NOL9: variants seen among roughly 807,000 people sequenced by gnomAD.
NOL9 encodes the protein nucleolar protein 9.
In NOL9, 28 loss-of-function variants were observed where a neutral mutation model predicts 67.9. The ratio of observed to expected loss-of-function variants is 0.41; its 90% CI spans 0.31 to 0.57. The LOEUF (loss-of-function observed/expected upper bound fraction) is 0.57, where lower values mean the gene tolerates loss of function less well. Among genes scored for constraint, NOL9 ranks in the 20% least tolerant of loss-of-function variants. The pLI, the probability that NOL9 is intolerant of heterozygous loss-of-function variation, is 0.25. For missense variants in NOL9, 777 were observed against 897.0 expected, an observed-to-expected ratio of 0.87 and a Z score of 1.71; for synonymous variants, 356 against 352.2, an observed-to-expected ratio of 1.01 and a Z score of -0.12.
At chr1:6,539,467 C>A (rs1226814765) in intron 6 of NOL9, among the ~76,000 whole-genome samples, 2 of 117,220 alleles carry the variant, frequency 1.7e-5, no homozygotes, top group Non-Finnish European at 3.7e-5. Context: ...TAACATCCAG[C>A]CATCAAAAAG....
intron 5 of NOL9, among the ~76,000 whole-genome samples, chr1:6,542,550 C>T (rs1380034714): frequency 6.7e-6 from 1 of 150,032 alleles, no homozygotes; most frequent in Non-Finnish European, 1.5e-5. Context: ...CTCCGTCTCC[C>T]GGGCTTGAGC....
chr1:6,554,018 C>G, intron 1 of NOL9, 89 bp downstream of exon 1: 1 of 1,123,494 alleles, frequency 8.9e-7, no homozygotes, highest in Admixed American at 3.1e-5. Context: ...CCCGGGGGAC[C>G]ACGGTCCTCT....
In NOL9 at chr1:6,554,129, A is replaced by G; in HGVS notation, c.374T>C (p.Leu125Ser). ...TACCTGCTCGACCGGCAGCAGCAGC[A>G]ACGCGCGGCCGGGGCCCACGGGCCG... is the stretch of plus-strand genomic sequence containing the variant. ...PVRPVGPGRA[L>S]LLLPVEQGFT... is the part of the protein sequence containing the mutation. Residue 125 changes from leucine (L) to serine (S), a missense_variant, in exon 1 of 12, where the codon TTG (leucine) becomes TCG (serine). Leu to Ser is a moderately radical substitution (Grantham distance 145, BLOSUM62 -2). Coordinates refer to ENST00000377705, the MANE Select transcript of NOL9 (RefSeq NM_024654.5). 6.5e-7 allele frequency: 1 copy of G among 1,530,392 alleles called. No individual in the cohort carries two copies. The allele number at this position is 1,530,392 out of a possible 1,614,324, so 94.8% of individuals were successfully genotyped here.
intron 9 of NOL9, among the ~76,000 whole-genome samples, chr1:6,529,652 G>T (rs145067725): frequency 1.3e-5 from 2 of 151,998 alleles, no homozygotes; most frequent in African/African-American, 4.8e-5. Flanking sequence ...TAGGCTGGGC[G>T]CAGTGGCTCA....
chr1:6,531,923 G>C (rs751376440), intron 9 of NOL9, 45 bp downstream of exon 9: 32 of 1,474,084 alleles, frequency 2.2e-5, no homozygotes, highest in Non-Finnish European at 2.9e-5. Flanking sequence ...AACCACACAA[G>C]TGTGTAACAA....
chr1:6,533,868 C>T (rs2148653253), intron 6 of NOL9, among the ~76,000 whole-genome samples: 1 of 152,000 alleles, frequency 6.6e-6, no homozygotes, highest in East Asian at 1.9e-4. Context: ...AGGCCCTTCA[C>T]ATATAGCCTC....
chr1:6,533,770 C>G (rs10864612), intron 6 of NOL9, among the ~76,000 whole-genome samples: 123,087 of 152,158 alleles, frequency 0.81, 50,602 homozygotes, highest in Non-Finnish European at 0.87. Context: ...GACAAACATC[C>G]CCACCCTCAC....
At chr1:6,530,518 A>G (rs894366803) in intron 9 of NOL9, among the ~76,000 whole-genome samples, 1 of 152,196 alleles carries the variant, frequency 6.6e-6, no homozygotes, top group Non-Finnish European at 1.5e-5. Context: ...TGGCAGATAA[A>G]TCTCACATTC....
intron 1 of NOL9, among the ~76,000 whole-genome samples, 184 bp downstream of exon 1, chr1:6,553,923 C>G (rs1248051147): frequency 6.6e-6 from 1 of 152,176 alleles, no homozygotes; most frequent in Non-Finnish European, 1.5e-5. Flanking sequence ...AGCAGGGTAC[C>G]TGTTACCCTG....
chr1:6,553,992 GC>G (rs757962612), intron 1 of NOL9, 114 bp downstream of exon 1: 1 of 815,608 alleles, frequency 1.2e-6, no homozygotes, highest in Non-Finnish European at 1.8e-6. Context: ...AATCCGACTG[GC>G]AGCCAGAGAA....
chr1:6,544,960 G>A lies in NOL9; in HGVS notation c.881-38C>T, dbSNP rs567215734. On this transcript the variant is annotated intron_variant, in intron 4 of 11. Coordinates refer to ENST00000377705, the MANE Select transcript of NOL9 (RefSeq NM_024654.5). ...CAAACATTGATCGCTAGAATTAGCC[G>A]TCTTCCTTGGACTCGAATTATGACT... 2.7e-5 allele frequency: 43 copies of A among 1,614,160 alleles called. 1 individual carries two copies. Among genetic ancestry groups the A allele is most frequent in the Middle Eastern group, 1.6e-4 (1 of 6,062 alleles).
intron 5 of NOL9, 149 bp from the exon 6 acceptor site, chr1:6,542,076 C>T (rs939796591): frequency 6.4e-6 from 3 of 465,978 alleles, no homozygotes; most frequent in Non-Finnish European, 1.1e-5. Context: ...AGATGACAAT[C>T]GCTGTTTAAA....
chr1:6,542,948 G>T (rs1275655528), intron 5 of NOL9, among the ~76,000 whole-genome samples: 1 of 151,834 alleles, frequency 6.6e-6, no homozygotes, highest in Non-Finnish European at 1.5e-5. Flanking sequence ...ACCCAGGCTG[G>T]AGTGCAGTGA....
At position 6,532,561 on chromosome 1, in the gene NOL9, T is replaced by C. The variant is rs758535680; in HGVS notation, c.1437A>G (p.Glu479=). Residue 479 remains glutamate, a synonymous_variant, in exon 8 of 12, where the codon GAA becomes GAG. Coordinates refer to ENST00000377705, the MANE Select transcript of NOL9 (RefSeq NM_024654.5). ...FRLAAFADAL[E]FADEEKESPV... is the part of the protein sequence containing the mutation. Reference sequence around the variant, plus strand: ...GACTCTCTTTTTCTTCATCAGCAAATTCCAAAGCATCTGCAAATGCTGCGA... The same window carrying C: ...GACTCTCTTTTTCTTCATCAGCAAACTCCAAAGCATCTGCAAATGCTGCGA... The C allele has an allele frequency of 5.6e-6, 9 of 1,614,236 alleles. No individual in the cohort carries two copies. The South Asian group carries it at 8.8e-5, about 16-fold the overall frequency.
At chr1:6,540,124 CT>C (rs770304509) in intron 6 of NOL9, among the ~76,000 whole-genome samples, 8 of 104,380 alleles carry the variant, frequency 7.7e-5, no homozygotes, top group African/African-American at 3.2e-4. Context: ...GAGAGTTATT[CT>C]TTTTTTTTTT....
chr1:6,529,109 T>C lies in NOL9; in HGVS notation c.1710A>G (p.Leu570=), dbSNP rs1638959816. 1 of 1,613,824 alleles carries C rather than the reference T, an allele frequency of 6.2e-7. No homozygotes were observed. The highest frequency in any genetic ancestry group is 1.7e-5 in the Admixed American group (1 of 59,960). The part of the protein sequence containing the change: ...THSDVAPTHI[L]YAVNASWVGL... ...CAACCCAGCTGGCGTTTACAGCATA[T>C]AGTATATGGGTAGGGGCGACATCAG... Residue 570 remains leucine, a synonymous_variant, in exon 10 of 12, where the codon CTA becomes CTG. Coordinates refer to ENST00000377705, the MANE Select transcript of NOL9 (RefSeq NM_024654.5).
At chr1:6,551,895 TG>T (rs2148663029) in intron 1 of NOL9, among the ~76,000 whole-genome samples, 1 of 152,034 alleles carries the variant, frequency 6.6e-6, no homozygotes, top group African/African-American at 2.4e-5. Context: ...CTTAGCCAGG[TG>T]TGGTGGCGGG....
intron 5 of NOL9, among the ~76,000 whole-genome samples, chr1:6,543,494 C>CTTTATTTA (rs555412614): frequency 3.3e-5 from 5 of 152,070 alleles, no homozygotes; most frequent in East Asian, 1.9e-4. Flanking sequence ...TGCGCCCAGG[C>CTTTATTTA]TTTATTTATT....
chr1:6,534,349 A>G (rs1290728338), intron 6 of NOL9, among the ~76,000 whole-genome samples: 1 of 152,148 alleles, frequency 6.6e-6, no homozygotes, highest in African/African-American at 2.4e-5. Flanking sequence ...ACTCCTAATC[A>G]TGACATATCT....
Sources: gnomAD v4.1 joint callset for allele counts (sites outside exome capture counted in the v4.1 genomes callset) on GRCh38, gnomAD v4.1.1 for gene constraint, MANE v1.5 for transcripts, NCBI Gene and HGNC (gene_info 2026-07-23, HGNC 2026-07-21) for gene names.